Variants in RPAP1 observed in about 807,000 individuals in gnomAD.
The protein encoded by RPAP1 is RNA polymerase II associated protein 1, also known as RNA polymerase II-associated protein 1.
A neutral mutation model predicts 142.4 loss-of-function variants in RPAP1; 109 were observed. The observed-to-expected ratio is 0.77, with a 90% CI of 0.66 to 0.90. The LOEUF (loss-of-function observed/expected upper bound fraction) is 0.90, where lower values mean the gene tolerates loss of function less well. Ranked by LOEUF, RPAP1 falls within the 40% of genes least tolerant of loss-of-function variation. RPAP1 has a pLI of 0.00. For missense variants in RPAP1, 1,546 were observed against 1,751.7 expected (o/e 0.88, Z 2.10); for synonymous variants, 704 against 738.9 (o/e 0.95, Z 0.77).
intron 16 of RPAP1, 45 bp downstream of exon 16, chr15:41,524,051 T>G: frequency 6.2e-7 from 1 of 1,600,912 alleles, no homozygotes; most frequent in Non-Finnish European, 8.5e-7. Context: ...CCCAGCCCTG[T>G]GGAGGAGCCC....
Position 41,527,852 on chromosome 15 carries a change from T to G in RPAP1, c.1428+8A>C, listed in dbSNP as rs765193925. The G allele has an allele frequency of 6.2e-7, 1 of 1,613,990 alleles. No individual in the cohort carries two copies. Among genetic ancestry groups the G allele is most frequent in the African/African-American group, 1.3e-5 (1 of 75,020 alleles). On this transcript the variant is annotated splice_region_variant and intron_variant, in intron 11 of 24. Transcript: ENST00000304330. ...CCAGCCCAAGCCCCATTCCTATCCC[T>G]GTGGTACCTCATCTCCAGGAGCCAC...
intron 1 of RPAP1, among the ~76,000 whole-genome samples, chr15:41,542,656 T>C (rs1225214557): frequency 6.6e-6 from 1 of 152,236 alleles, no homozygotes; most frequent in Non-Finnish European, 1.5e-5. Flanking sequence ...TTACTAACTG[T>C]GTAAGCTTAA....
At chr15:41,540,308 T>TC (rs2051959605) in intron 1 of RPAP1, among the ~76,000 whole-genome samples, 1 of 151,500 alleles carries the variant, frequency 6.6e-6, no homozygotes, top group Non-Finnish European at 1.5e-5. Flanking sequence ...ACTACTATTT[T>TC]TTTTTTTTTT....
At chr15:41,523,142 G>T in intron 18 of RPAP1, 103 bp downstream of exon 18, 1 of 1,003,160 alleles carries the variant, frequency 1.0e-6, no homozygotes, top group Non-Finnish European at 1.5e-6. Flanking sequence ...TCGGGCCGAG[G>T]GCCTGCACCC....
In RPAP1 at chr15:41,536,986, C is replaced by T. The variant is rs200748913; in HGVS notation, c.140G>A (p.Arg47Gln). The change falls in exon 2 of 25, where the codon CGG becomes CAG. Residue 47 changes from arginine to glutamine, a missense_variant. Around this residue, in one of 3 missense-constraint regions of RPAP1, gnomAD observed 1,333 missense variants for 1,486.6 expected, o/e 0.90. Transcript: ENST00000304330. ...ATCCCGATGGTCCTGGAGCGGAGGCCGGTCTGAGTTGGCATCACCACCGCC... is the reference window on the plus strand; with the variant it reads ...ATCCCGATGGTCCTGGAGCGGAGGCTGGTCTGAGTTGGCATCACCACCGCC... Reference protein sequence around the residue: ...NRGGGDANSDRPPLQDHRDVV... With the variant: ...NRGGGDANSDQPPLQDHRDVV... 103 of 1,614,082 alleles carry T rather than the reference C, an allele frequency of 6.4e-5. No homozygotes were observed. Among genetic ancestry groups the T allele is most frequent in the Non-Finnish European group, 8.2e-5 (97 of 1,180,002 alleles).
chr15:41,523,691 C>T (rs1459398774), intron 17 of RPAP1, 80 bp downstream of exon 17: 1 of 1,217,524 alleles, frequency 8.2e-7, no homozygotes, highest in African/African-American at 1.5e-5. Context: ...GAGAGATGGA[C>T]ACAGAGAGGG....
At chr15:41,522,700 C>CAATA in intron 19 of RPAP1, 65 bp downstream of exon 19, 3 of 1,232,458 alleles carry the variant, frequency 2.4e-6, no homozygotes, top group East Asian at 2.8e-5. Flanking sequence ...CACCCTCCCA[C>CAATA]TTTCTTTCTG....
chr15:41,526,260 T>G (rs182762467), intron 14 of RPAP1, among the ~76,000 whole-genome samples: 8 of 152,318 alleles, frequency 5.3e-5, no homozygotes, highest in African/African-American at 1.9e-4. Context: ...GTAGTAGTAT[T>G]TTTGAGACGG....
At chr15:41,517,922 G>T in intron 23 of RPAP1, 65 bp from the exon 24 acceptor site, 1 of 1,612,892 alleles carries the variant, frequency 6.2e-7, no homozygotes, top group Non-Finnish European at 8.5e-7. Flanking sequence ...GGCCTTGCTT[G>T]ACACTTACCT....
chr15:41,530,749 C>A (rs565590083), intron 7 of RPAP1, among the ~76,000 whole-genome samples: 4 of 152,060 alleles, frequency 2.6e-5, no homozygotes, highest in African/African-American at 9.7e-5. Flanking sequence ...GATAGTCTGC[C>A]GGGAGCGGGT....
intron 9 of RPAP1, among the ~76,000 whole-genome samples, chr15:41,529,130 A>T (rs182192085): frequency 7.2e-5 from 11 of 152,230 alleles, no homozygotes; most frequent in African/African-American, 2.6e-4. Context: ...AGCTCAGGAG[A>T]TCAAGACCAT....
intron 8 of RPAP1, 98 bp from the exon 9 acceptor site, chr15:41,529,666 C>A: frequency 1.0e-6 from 1 of 960,062 alleles, no homozygotes; most frequent in Admixed American, 2.1e-5. Flanking sequence ...GACTTAGGTA[C>A]TGACTCTACT....
intron 4 of RPAP1, 105 bp from the exon 5 acceptor site, chr15:41,535,737 G>T: frequency 2.0e-6 from 3 of 1,475,436 alleles, no homozygotes; most frequent in Non-Finnish European, 2.7e-6. Context: ...AAGGGGATTT[G>T]CTCAATTTCC....
chr15:41,533,600 C>G (rs1387602621), intron 6 of RPAP1, among the ~76,000 whole-genome samples: 1 of 151,858 alleles, frequency 6.6e-6, no homozygotes, highest in African/African-American at 2.4e-5. Context: ...TTGGGAGGCA[C>G]TTTGATCCAC....
At chr15:41,523,084 C>A (rs1314212467) in intron 18 of RPAP1, 124 bp from the exon 19 acceptor site, 2 of 948,282 alleles carry the variant, frequency 2.1e-6, no homozygotes, top group South Asian at 3.7e-5. Context: ...GCTGCTCACA[C>A]TCCTCAGAGC....
intron 9 of RPAP1, 151 bp downstream of exon 9, chr15:41,529,319 C>G (rs1050523372): frequency 1.5e-5 from 9 of 608,854 alleles, no homozygotes; most frequent in Admixed American, 5.5e-5. Context: ...TGGGCCAGAG[C>G]GAGATTCTGT....
chr15:41,523,992 T>G lies in RPAP1; in HGVS notation c.2235-20A>C, dbSNP rs2297378. 848,650 of 1,612,516 alleles carry G rather than the reference T, an allele frequency of 0.53. 224,751 individuals carry two copies. Among genetic ancestry groups the G allele is most frequent in the African/African-American group, 0.66 (49,541 of 74,922 alleles). ...GAATCACTACAAAAGTGCCAAAGGGTGCCACAGTGAGGATCTGGCTGCCTC... is the reference window on the plus strand; with the variant it reads ...GAATCACTACAAAAGTGCCAAAGGGGGCCACAGTGAGGATCTGGCTGCCTC... On this transcript the variant is annotated intron_variant, in intron 16 of 24. Transcript: ENST00000304330.
In RPAP1 at chr15:41,517,876, G is replaced by C. The variant is rs1422622760; in HGVS notation, c.3973-19C>G. Reference sequence around the variant, plus strand: ...CCTCATCCTAGAAGCAGAACAGGGAGAGGTGGCACTGAGCCGAGGGCTGGT... The same window carrying C: ...CCTCATCCTAGAAGCAGAACAGGGACAGGTGGCACTGAGCCGAGGGCTGGT... On this transcript the variant is annotated intron_variant, in intron 23 of 24. Transcript: ENST00000304330. 6.2e-7 allele frequency: 1 copy of C among 1,614,164 alleles called. No homozygotes were observed. Among genetic ancestry groups the C allele is most frequent in the Non-Finnish European group, 8.5e-7 (1 of 1,180,052 alleles).
chr15:41,524,386 A>C (rs747859646), intron 15 of RPAP1, 132 bp from the exon 16 acceptor site: 3 of 697,370 alleles, frequency 4.3e-6, no homozygotes, highest in Non-Finnish European at 6.6e-6. Flanking sequence ...CACTCTTGGA[A>C]GGCTCAGCCC....
Sources: gnomAD v4.1 joint callset for allele counts (sites outside exome capture counted in the v4.1 genomes callset) on GRCh38, gnomAD v4.1.1 for gene constraint, gnomAD v4.1.1 regional missense constraint, MANE v1.5 for transcripts, NCBI Gene and HGNC (gene_info 2026-07-23, HGNC 2026-07-21) for gene names.